The following SNED1 variants were observed in gnomAD, a reference collection of about 807,000 sequenced individuals.
The protein encoded by SNED1 is sushi, nidogen and EGF like domains 1, also known as sushi, nidogen and EGF-like domain-containing protein 1.
A neutral mutation model predicts 166.7 loss-of-function variants in SNED1; 81 were observed. That is an observed-to-expected ratio of 0.49 (90% CI 0.41 to 0.58). The LOEUF is 0.58. Ranked by LOEUF, SNED1 falls within the 20% of genes least tolerant of loss-of-function variation. SNED1 has a pLI of 0.00. For synonymous variants in SNED1, 762 were observed against 822.0 expected, an observed-to-expected ratio of 0.93 and a Z score of 1.25; for missense variants, 1,604 against 2,000.2, an observed-to-expected ratio of 0.80 and a Z score of 3.78.
At chr2:241,004,664 ATTG>A (rs1323807748) in intron 1 of SNED1, among the ~76,000 whole-genome samples, 1 of 152,134 alleles carries the variant, frequency 6.6e-6, no homozygotes, top group Non-Finnish European at 1.5e-5. Flanking sequence ...CCCTCATGCT[ATTG>A]TTGTCATATA....
chr2:241,027,731 CTGT>C (rs1464825260), intron 1 of SNED1, among the ~76,000 whole-genome samples: 10 of 137,254 alleles, frequency 7.3e-5, no homozygotes, highest in Admixed American at 2.3e-4. Context: ...TTATTTTCTT[CTGT>C]TTTTTTTTTT....
At chr2:241,087,259 C>T (rs1302414651) in intron 29 of SNED1, 133 bp from the exon 30 acceptor site, 26 of 686,772 alleles carry the variant, frequency 3.8e-5, no homozygotes, top group Non-Finnish European at 5.2e-5. Flanking sequence ...TAGGAGGTCA[C>T]GTTTCATTCA....
At chr2:241,065,164 G>C in intron 20 of SNED1, 135 bp from the exon 21 acceptor site, 1 of 956,624 alleles carries the variant, frequency 1.0e-6, no homozygotes, top group East Asian at 2.6e-5. Context: ...CGTGGCCAGG[G>C]ACAAAGAAGG....
chr2:241,026,009 CTTTTTTTTT>C (rs71404676), intron 1 of SNED1, among the ~76,000 whole-genome samples: 1 of 73,594 alleles, frequency 1.4e-5, no homozygotes. Context: ...TTTTCTTTTC[CTTTTTTTTT>C]TTTTTTTTTT....
Position 241,051,702 on chromosome 2 carries a change from C to A in SNED1, c.1736-42C>A, listed in dbSNP as rs543178511. The A allele has an allele frequency of 3.8e-5, 52 of 1,374,210 alleles. No homozygotes were observed. In the African/African-American group the frequency reaches 5.4e-4, roughly 14 times the overall value. 85.1% of individuals were successfully genotyped at this position (1,374,210 alleles called of 1,614,324 possible). On this transcript the variant is annotated intron_variant, in intron 12 of 31. Transcript: ENST00000310397. This position sits in a 1 kb window ranked among gnomAD's most constrained non-coding sequence, Gnocchi z 4.7. ...GGGTATAGTGGCTCTGTGGGGCCAG[C>A]AGCCTGGCCCCGTTCATCTGCCTCT...
At chr2:241,043,864 C>T (rs1230681065) in intron 8 of SNED1, among the ~76,000 whole-genome samples, 1 of 152,138 alleles carries the variant, frequency 6.6e-6, no homozygotes. Context: ...TAAAACTGTA[C>T]TTTTAAAAAT....
chr2:241,003,357 A>C (rs2060131082), intron 1 of SNED1, among the ~76,000 whole-genome samples: 1 of 151,658 alleles, frequency 6.6e-6, no homozygotes, highest in South Asian at 2.1e-4. Flanking sequence ...CTGGTGAAGG[A>C]CTCTCTCTTC....
At position 241,068,298 on chromosome 2, in the gene SNED1, CG is replaced by C. The variant is rs1559291039; in HGVS notation, c.3194+352del. Among the ~76,000 whole-genome samples the C allele has an allele frequency of 1.9e-3, 278 of 149,370 alleles. 2 individuals carry two copies. Among genetic ancestry groups the C allele is most frequent in the African/African-American group, 6.9e-3 (268 of 38,992 alleles). On this transcript the variant is annotated intron_variant, in intron 22 of 31. Coordinates refer to ENST00000310397, the MANE Select transcript of SNED1 (RefSeq NM_001080437.3). The surrounding 1 kb of genome is among the most constrained non-coding windows in gnomAD (Gnocchi z 5.3). ...CAGCGAGGGTAGATGGTAGCAGCCC[CG>C]AGCTCTCCCAGGAGTCCCACAGTGG...
intron 27 of SNED1, chr2:241,074,028 G>C (rs1483849882): frequency 6.5e-6 from 1 of 152,758 alleles, no homozygotes; most frequent in Non-Finnish European, 1.5e-5. Context: ...CTAATCCTTT[G>C]GGGCTGTGTC....
At chr2:241,087,283 T>C in intron 29 of SNED1, 109 bp from the exon 30 acceptor site, 2 of 964,644 alleles carry the variant, frequency 2.1e-6, no homozygotes, top group Non-Finnish European at 3.0e-6. Context: ...AATAGCAGTT[T>C]TTCCCTCAAA....
At chr2:241,061,443 G>A (rs2062226501) in intron 16 of SNED1, among the ~76,000 whole-genome samples, 1 of 152,184 alleles carries the variant, frequency 6.6e-6, no homozygotes, top group African/African-American at 2.4e-5. Flanking sequence ...TGAAAACAAT[G>A]TGGCACTCTG....
At chr2:241,071,742 C>A in intron 25 of SNED1, 22 bp downstream of exon 25, 1 of 1,536,710 alleles carries the variant, frequency 6.5e-7, no homozygotes, top group Non-Finnish European at 8.8e-7. Context: ...ACCCATCGGC[C>A]CCATCGCCCG....
chr2:241,049,979 G>A, intron 12 of SNED1, 46 bp downstream of exon 12: 1 of 1,430,158 alleles, frequency 7.0e-7, no homozygotes, highest in Non-Finnish European at 9.9e-7. Flanking sequence ...ACCCTGGAGA[G>A]CGCCCGCGGT....
chr2:241,036,811 G>T lies in SNED1; in HGVS notation c.827G>T (p.Arg276Leu), dbSNP rs1187465760. 3.1e-6 allele frequency: 5 copies of T among 1,609,540 alleles called. No homozygotes were observed. The highest frequency in any genetic ancestry group is 4.2e-6 in the Non-Finnish European group (5 of 1,179,668). Residue 276 changes from arginine (R) to leucine (L), a missense_variant, in exon 5 of 32, where the codon CGC (arginine) becomes CTC (leucine). Around this residue, in one of 2 missense-constraint regions of SNED1, gnomAD observed 1,237 missense variants for 1,620.8 expected, o/e 0.76. Transcript: ENST00000310397. ...GCAGCGTCCGTGTGCCTGGCCCTGCGCCCCTGCCTCAACGGCGGCAAGTGC... is the reference window on the plus strand; with the variant it reads ...GCAGCGTCCGTGTGCCTGGCCCTGCTCCCCTGCCTCAACGGCGGCAAGTGC... ...GHTTSVCLAL[R>L]PCLNGGKCID...
chr2:241,014,996 C>T (rs1183351749), intron 1 of SNED1, among the ~76,000 whole-genome samples: 5 of 152,188 alleles, frequency 3.3e-5, no homozygotes, highest in Non-Finnish European at 5.9e-5. Context: ...GAGCCAGGAG[C>T]GTTGGGCTAA....
At chr2:241,061,428 C>T (rs1194356985) in intron 16 of SNED1, among the ~76,000 whole-genome samples, 1 of 152,180 alleles carries the variant, frequency 6.6e-6, no homozygotes, top group Non-Finnish European at 1.5e-5. Context: ...TTGCTAGAAG[C>T]ACTTTGAAAA....
intron 16 of SNED1, among the ~76,000 whole-genome samples, chr2:241,058,822 C>T (rs1211014974): frequency 2.6e-5 from 4 of 152,050 alleles, no homozygotes; most frequent in Non-Finnish European, 5.9e-5. Flanking sequence ...AGGTGGCGGG[C>T]GCCTGTAGTC....
Position 241,082,383 on chromosome 2 carries a change from T to A in SNED1, c.4121+19T>A. 6.3e-7 allele frequency: 1 copy of A among 1,588,618 alleles called. No individual in the cohort carries two copies. The highest frequency in any genetic ancestry group is 1.1e-5 in the South Asian group (1 of 90,484). ...ACCACGTGTAAGTTGGTTTCTGTCC[T>A]CCGCCTTACCGCATTTGTCGTGTGT... On this transcript the variant is annotated intron_variant, in intron 29 of 31. Coordinates refer to ENST00000310397, the MANE Select transcript of SNED1 (RefSeq NM_001080437.3).
chr2:241,003,123 C>T (rs2060124424), intron 1 of SNED1, among the ~76,000 whole-genome samples: 1 of 151,232 alleles, frequency 6.6e-6, no homozygotes, highest in Non-Finnish European at 1.5e-5. Flanking sequence ...TCCGCCCTCC[C>T]CCGGGCCCCC....
Sources: gnomAD v4.1 joint callset for allele counts (sites outside exome capture counted in the v4.1 genomes callset) on GRCh38, gnomAD v4.1.1 for gene constraint, gnomAD v4.1.1 regional missense constraint, Gnocchi (gnomAD v3.1) non-coding constraint, MANE v1.5 for transcripts, NCBI Gene and HGNC (gene_info 2026-07-23, HGNC 2026-07-21) for gene names.